The following ZMIZ1 variants were observed in gnomAD, a reference collection of about 807,000 sequenced individuals.
ZMIZ1 encodes the protein zinc finger MIZ-type containing 1.
ZMIZ1 carries 17 observed loss-of-function variants against 113.9 expected under a neutral mutation model. The ratio of observed to expected loss-of-function variants is 0.15; its 90% CI spans 0.10 to 0.22. The LOEUF is 0.22. ZMIZ1 is among the 10% of genes least tolerant of loss of function. The probability of loss-of-function intolerance (pLI) is 1.00; values close to 1 mark genes in which losing one functional copy is unlikely to be tolerated. For synonymous variants in ZMIZ1, 607 were observed against 603.1 expected (o/e 1.01, Z -0.09); for missense variants, 1,059 against 1,477.8 (o/e 0.72, Z 4.65).
intron 17 of ZMIZ1, 55 bp downstream of exon 17, chr10:79,300,997 A>T (rs1589601095): frequency 1.3e-6 from 2 of 1,592,562 alleles, no homozygotes; most frequent in East Asian, 4.5e-5. Flanking sequence ...GTTTCACGGC[A>T]TGAGAGTGCG....
intron 1 of ZMIZ1, among the ~76,000 whole-genome samples, chr10:79,086,928 C>T (rs1323961953): frequency 6.6e-6 from 1 of 152,104 alleles, no homozygotes; most frequent in Non-Finnish European, 1.5e-5. Context: ...TTTTGGACTC[C>T]ATATAGCAAA....
intron 7 of ZMIZ1, among the ~76,000 whole-genome samples, chr10:79,244,216 G>T (rs1296594645): frequency 1.3e-5 from 2 of 152,248 alleles, no homozygotes; most frequent in African/African-American, 4.8e-5. Flanking sequence ...TTGCGGCAGG[G>T]TGCCCTTCGC....
chr10:79,220,373 C>G (rs1185474318), intron 7 of ZMIZ1, among the ~76,000 whole-genome samples: 1 of 152,178 alleles, frequency 6.6e-6, no homozygotes, highest in East Asian at 1.9e-4. Context: ...TCCCACTGTC[C>G]TCTCTCCCCT....
intron 1 of ZMIZ1, among the ~76,000 whole-genome samples, chr10:79,074,590 C>T (rs1487275209): frequency 2.0e-5 from 3 of 152,238 alleles, no homozygotes; most frequent in Admixed American, 1.3e-4. Flanking sequence ...TCCAGCCCCC[C>T]GGGTCCCCAT....
intron 1 of ZMIZ1, among the ~76,000 whole-genome samples, chr10:79,083,668 A>G (rs1450350154): frequency 6.6e-6 from 1 of 152,232 alleles, no homozygotes; most frequent in Non-Finnish European, 1.5e-5. Context: ...ACAGGAACCC[A>G]GGAAAGGATG....
At chr10:79,263,838 T>C (rs548523577) in intron 7 of ZMIZ1, among the ~76,000 whole-genome samples, 82 of 152,256 alleles carry the variant, frequency 5.4e-4, no homozygotes, top group African/African-American at 1.8e-3. Flanking sequence ...AGGGTCTTTT[T>C]GACCCTAGGG....
chr10:79,279,378 A>G (rs1852548267), intron 8 of ZMIZ1, among the ~76,000 whole-genome samples: 1 of 150,556 alleles, frequency 6.6e-6, no homozygotes, highest in South Asian at 2.1e-4. Flanking sequence ...GTGGCGGGGC[A>G]GAGGCGCTCC....
At chr10:79,292,777 G>T (rs1032005832) in intron 11 of ZMIZ1, 1 of 465,354 alleles carries the variant, frequency 2.1e-6, no homozygotes. Flanking sequence ...GTGGGTCTGC[G>T]CAGGCCCCAG....
chr10:79,292,146 C>T lies in ZMIZ1; in HGVS notation c.759-12C>T, dbSNP rs1220632217. The T allele has an allele frequency of 1.2e-6, 2 of 1,600,554 alleles. No homozygotes were observed. Among genetic ancestry groups the T allele is most frequent in the African/African-American group, 2.7e-5 (2 of 74,644 alleles). On this transcript the variant is annotated splice_polypyrimidine_tract_variant and intron_variant, in intron 10 of 24. Coordinates refer to ENST00000334512, the MANE Select transcript of ZMIZ1 (RefSeq NM_020338.4). ...GGCAGTACCTAACTCTTCCACCCTT[C>T]TCCCCCTGCAGTTACCCTGGGGGTC...
At position 79,298,495 on chromosome 10, in the gene ZMIZ1, T is replaced by A; in HGVS notation, c.1581T>A (p.Pro527=). ...CCATGACCCCTGGGAGCAGCATCCC[T>A]CCATACCTGTCCCCCAGCCAAGACG... The part of the protein sequence containing the change: ...TPPMTPGSSI[P]PYLSPSQDVK... Residue 527 remains proline (P), a synonymous_variant, in exon 15 of 25, where the codon CCT becomes CCA. Coordinates refer to ENST00000334512, the MANE Select transcript of ZMIZ1 (RefSeq NM_020338.4). The A allele has an allele frequency of 6.2e-7, 1 of 1,603,166 alleles. No homozygotes were observed. The highest frequency in any genetic ancestry group is 8.5e-7 in the Non-Finnish European group (1 of 1,175,430).
In ZMIZ1 at chr10:79,289,778, T is replaced by C; in HGVS notation, c.429T>C (p.Asp143=). ...CTCCCTCTGTCTCCCTCTGCAGTGATGGGTCGTTCCCCTATGACTCTGTCC... is the reference window on the plus strand; with the variant it reads ...CTCCCTCTGTCTCCCTCTGCAGTGACGGGTCGTTCCCCTATGACTCTGTCC... ...SSMKPTLSHS[D]GSFPYDSVPW... is the part of the protein sequence containing the mutation. The change falls in exon 9 of 25, where the codon GAT becomes GAC. Residue 143 remains aspartate (D), a synonymous_variant. Transcript: ENST00000334512. 6.2e-7 allele frequency: 1 copy of C among 1,613,768 alleles called. No individual in the cohort carries two copies. The highest frequency in any genetic ancestry group is 1.1e-5 in the South Asian group (1 of 91,044).
intron 8 of ZMIZ1, among the ~76,000 whole-genome samples, chr10:79,288,130 G>C (rs912705968): frequency 6.6e-6 from 1 of 152,220 alleles, no homozygotes; most frequent in African/African-American, 2.4e-5. Flanking sequence ...GTGTGGTCCT[G>C]CCCTCCAGGC....
At chr10:79,305,437 C>A in intron 20 of ZMIZ1, 96 bp from the exon 21 acceptor site, 2 of 1,402,228 alleles carry the variant, frequency 1.4e-6, no homozygotes, top group Non-Finnish European at 2.0e-6. Context: ...TAACCAGCAG[C>A]AGGGGTGGGA....
intron 1 of ZMIZ1, among the ~76,000 whole-genome samples, chr10:79,079,625 C>A (rs1842593345): frequency 6.6e-6 from 1 of 150,602 alleles, no homozygotes; most frequent in Non-Finnish European, 1.5e-5. Context: ...GGCCACAGGG[C>A]CTGGCACTGG....
chr10:79,293,811 C>T (rs1304802555), intron 12 of ZMIZ1, 158 bp downstream of exon 12: 2 of 1,090,182 alleles, frequency 1.8e-6, no homozygotes, highest in Non-Finnish European at 2.7e-6. Flanking sequence ...GGGTTTGAGA[C>T]CTGGTTCTGC....
chr10:79,202,454 A>C (rs555012820), intron 5 of ZMIZ1, among the ~76,000 whole-genome samples: 2 of 150,796 alleles, frequency 1.3e-5, no homozygotes, highest in Admixed American at 1.3e-4. Context: ...TTAAAAAAAG[A>C]AAAAAAAAGC....
At chr10:79,080,556 G>T (rs376258996) in intron 1 of ZMIZ1, among the ~76,000 whole-genome samples, 2 of 152,200 alleles carry the variant, frequency 1.3e-5, no homozygotes, top group East Asian at 3.9e-4. Flanking sequence ...TGATCCGCCC[G>T]CCTTGGCCTC....
intron 1 of ZMIZ1, among the ~76,000 whole-genome samples, chr10:79,090,577 A>C (rs1842955892): frequency 1.3e-5 from 2 of 152,186 alleles, no homozygotes; most frequent in African/African-American, 4.8e-5. Flanking sequence ...TTCTCCAGAG[A>C]AGGCTTTGAG....
intron 3 of ZMIZ1, among the ~76,000 whole-genome samples, chr10:79,140,179 C>G (rs1845197449): frequency 6.6e-6 from 1 of 152,182 alleles, no homozygotes; most frequent in African/African-American, 2.4e-5. Flanking sequence ...GTCCACAGTG[C>G]CATGTGGGGC....
Sources: gnomAD v4.1 joint callset for allele counts (sites outside exome capture counted in the v4.1 genomes callset) on GRCh38, gnomAD v4.1.1 for gene constraint, MANE v1.5 for transcripts, NCBI Gene and HGNC (gene_info 2026-07-23, HGNC 2026-07-21) for gene names.